Variants in KLHL1 observed in about 807,000 individuals in gnomAD.
KLHL1 encodes the protein kelch-like protein 1.
A neutral mutation model predicts 77.7 loss-of-function variants in KLHL1; 47 were observed. The ratio of observed to expected loss-of-function variants is 0.60; its 90% confidence interval spans 0.48 to 0.77. KLHL1 has a LOEUF of 0.77. Among genes scored for constraint, KLHL1 ranks in the 30% least tolerant of loss-of-function variants. KLHL1 has a pLI of 0.00. For synonymous variants in KLHL1, 360 were observed against 325.2 expected, an observed-to-expected ratio of 1.11 and a Z score of -1.15; for missense variants, 925 against 910.8, an observed-to-expected ratio of 1.02 and a Z score of -0.20.
At chr13:69,774,672 A>C (rs375483923) in intron 7 of KLHL1, among the ~76,000 whole-genome samples, 17,676 of 149,162 alleles carry the variant, frequency 0.12, 1,214 homozygotes, top group African/African-American at 0.19. Context: ...ATAAAAAAAA[A>C]CACACACACA....
chr13:70,081,734 G>C (rs1156978442), intron 1 of KLHL1, among the ~76,000 whole-genome samples: 2 of 152,176 alleles, frequency 1.3e-5, no homozygotes, highest in Middle Eastern at 3.2e-3. Flanking sequence ...CAAATACCTG[G>C]ATCGTGGCCT....
At chr13:69,870,163 C>T (rs1880524604) in intron 5 of KLHL1, among the ~76,000 whole-genome samples, 1 of 152,126 alleles carries the variant, frequency 6.6e-6, no homozygotes, top group African/African-American at 2.4e-5. Context: ...TTACAAGAGG[C>T]ATGGCATGAG....
At chr13:70,019,073 G>A (rs1465244310) in intron 1 of KLHL1, among the ~76,000 whole-genome samples, 1 of 152,086 alleles carries the variant, frequency 6.6e-6, no homozygotes, top group East Asian at 1.9e-4. Context: ...ATCCTGACTT[G>A]ATGTCAGAGT....
At chr13:70,090,392 T>C (rs571794815) in intron 1 of KLHL1, among the ~76,000 whole-genome samples, 3 of 151,944 alleles carry the variant, frequency 2.0e-5, no homozygotes, top group Non-Finnish European at 4.4e-5. Context: ...AAAGACACTC[T>C]ACAACAGTAC....
In KLHL1 at chr13:69,884,377, A is replaced by T. The variant is rs17085594; in HGVS notation, c.1015-1882T>A. On this transcript the variant is annotated intron_variant, in intron 4 of 10. Transcript: ENST00000377844. ...AAATTATAGATGCCCATAACTGTTC[A>T]GGTAATTAACAAATTAAGTGTTCTG... Among the ~76,000 whole-genome samples the T allele has an allele frequency of 5.3e-3, 793 of 150,424 alleles. 11 individuals carry two copies. Among genetic ancestry groups the T allele is most frequent in the African/African-American group, 0.018 (733 of 40,754 alleles).
chr13:69,864,597 T>C (rs12853901), intron 5 of KLHL1, among the ~76,000 whole-genome samples: 38,003 of 151,952 alleles, frequency 0.25, 4,834 homozygotes, highest in Non-Finnish European at 0.25. Flanking sequence ...TCAAATATAG[T>C]TACTGGTTCA....
At chr13:69,827,055 T>G (rs1878577015) in intron 6 of KLHL1, among the ~76,000 whole-genome samples, 1 of 151,334 alleles carries the variant, frequency 6.6e-6, no homozygotes, top group Non-Finnish European at 1.5e-5. Flanking sequence ...TTTTGAAATG[T>G]GGGCTGAATT....
chr13:69,859,634 G>A (rs1880059059), intron 5 of KLHL1, among the ~76,000 whole-genome samples: 1 of 152,082 alleles, frequency 6.6e-6, no homozygotes, highest in Non-Finnish European at 1.5e-5. Flanking sequence ...AAAGGGATAT[G>A]CTCAGTAAAT....
chr13:69,706,420 T>C (rs946208692), intron 10 of KLHL1, among the ~76,000 whole-genome samples: 13 of 151,928 alleles, frequency 8.6e-5, no homozygotes, highest in African/African-American at 2.9e-4. Context: ...AAAATATTGT[T>C]GCTGAATGCA....
chr13:69,980,944 G>A (rs1381591752), intron 1 of KLHL1, among the ~76,000 whole-genome samples: 1 of 152,076 alleles, frequency 6.6e-6, no homozygotes, highest in East Asian at 1.9e-4. Flanking sequence ...ATGTGTTTTT[G>A]TTTACTTTTG....
intron 6 of KLHL1, among the ~76,000 whole-genome samples, chr13:69,807,923 G>T (rs955580163): frequency 2.0e-5 from 3 of 152,094 alleles, no homozygotes; most frequent in African/African-American, 7.2e-5. Flanking sequence ...GTCACTTGGG[G>T]GACAGTGCTC....
Position 69,975,641 on chromosome 13 carries a change from T to G in KLHL1, c.659A>C (p.Asn220Thr). Residue 220 changes from asparagine to threonine, a missense_variant, in exon 2 of 11, where the codon AAC becomes ACC. Asn to Thr is a moderately conservative substitution (Grantham distance 65). Transcript: ENST00000377844. The stretch of plus-strand genomic sequence containing the variant: ...GTACCTATGTGCAGGTATCTTTCGG[T>G]TCCCAACAATCAGGATAACATCACA... Reference protein sequence around the residue: ...QLCDVILIVGNRKIPAHRLVL... With the variant: ...QLCDVILIVGTRKIPAHRLVL... 6.2e-7 allele frequency: 1 copy of G among 1,613,312 alleles called. No individual in the cohort carries two copies. The highest frequency in any genetic ancestry group is 8.5e-7 in the Non-Finnish European group (1 of 1,179,602).
At chr13:69,741,206 T>C (rs1873974741) in intron 7 of KLHL1, among the ~76,000 whole-genome samples, 2 of 152,138 alleles carry the variant, frequency 1.3e-5, no homozygotes, top group African/African-American at 4.8e-5. Context: ...TGGGAAGATA[T>C]ATATAACTAG....
intron 6 of KLHL1, among the ~76,000 whole-genome samples, chr13:69,812,322 T>C (rs976999870): frequency 2.0e-5 from 3 of 152,110 alleles, no homozygotes; most frequent in Admixed American, 1.3e-4. Context: ...CAAAAATTAA[T>C]TCAAGATGGA....
chr13:70,107,351 T>C lies in KLHL1; in HGVS notation c.349A>G (p.Arg117Gly). 1 of 1,614,028 alleles carries C rather than the reference T, an allele frequency of 6.2e-7. No individual in the cohort carries two copies. The highest frequency in any genetic ancestry group is 8.5e-7 in the Non-Finnish European group (1 of 1,180,020). The change falls in exon 1 of 11, where the codon AGG becomes GGG. Residue 117 changes from arginine (R) to glycine (G), a missense_variant. By Grantham distance (125) the Arg-to-Gly change is moderately radical. Coordinates refer to ENST00000377844, the MANE Select transcript of KLHL1 (RefSeq NM_020866.3). ...AGTGACTCCACGTAGAAGAGAGTCC[T>C]GGCTGGCTGCTGAGTGCCCTGCCCA... is the stretch of plus-strand genomic sequence containing the variant. ...APGQGTQQPA[R>G]TLFYVESLEE...
In KLHL1 at chr13:69,839,162, T is replaced by C. The variant is rs767055763; in HGVS notation, c.1228A>G (p.Ile410Val). ...FIRLPLLPPQ[I>V]LADLENHALF... is the part of the protein sequence containing the mutation. ...GCATGATTTTCTAGGTCAGCCAATATCTGTGAATAATACACAATAGCTGTT... is the reference window on the plus strand; with the variant it reads ...GCATGATTTTCTAGGTCAGCCAATACCTGTGAATAATACACAATAGCTGTT... The change falls in exon 6 of 11, where the codon ATA (isoleucine) becomes GTA (valine). Residue 410 changes from isoleucine to valine, a missense_variant and splice_region_variant. Transcript: ENST00000377844. 3 of 1,584,200 alleles carry C rather than the reference T, an allele frequency of 1.9e-6. No individual in the cohort carries two copies. Among genetic ancestry groups the C allele is most frequent in the Admixed American group, 1.7e-5 (1 of 57,874 alleles).
chr13:69,957,332 C>T (rs984460798), intron 3 of KLHL1, among the ~76,000 whole-genome samples: 4 of 151,626 alleles, frequency 2.6e-5, no homozygotes, highest in South Asian at 2.1e-4. Flanking sequence ...TAATCCTGTG[C>T]GTTGCCAAAT....
chr13:69,780,729 T>TATATAC (rs1876129920), intron 7 of KLHL1, among the ~76,000 whole-genome samples: 1 of 67,644 alleles, frequency 1.5e-5, no homozygotes, highest in Non-Finnish European at 3.1e-5. Context: ...TATATATATA[T>TATATAC]ATACATATAT....
intron 1 of KLHL1, among the ~76,000 whole-genome samples, chr13:70,017,014 C>A (rs1885675749): frequency 6.6e-6 from 1 of 152,180 alleles, no homozygotes; most frequent in Non-Finnish European, 1.5e-5. Flanking sequence ...CTTATATGGA[C>A]AACCTGCATG....
Sources: allele counts gnomAD v4.1 joint callset (sites outside exome capture counted in the v4.1 genomes callset), GRCh38; gene constraint gnomAD v4.1.1; transcripts MANE v1.5; gene names NCBI Gene and HGNC (gene_info 2026-07-23, HGNC 2026-07-21).